The following SMG7 variants were observed in gnomAD, a reference collection of about 807,000 sequenced individuals.
SMG7 encodes nonsense-mediated mRNA decay factor SMG7.
In SMG7, 34 loss-of-function variants were observed where a neutral mutation model predicts 148.2. The observed-to-expected ratio is 0.23, with a 90% CI of 0.17 to 0.31. The LOEUF (loss-of-function observed/expected upper bound fraction) is 0.31, where lower values mean the gene tolerates loss of function less well. SMG7 is among the 10% of genes least tolerant of loss of function. The pLI, the probability that SMG7 is intolerant of heterozygous loss-of-function variation, is 1.00. For missense variants in SMG7, 1,114 were observed against 1,408.4 expected (o/e 0.79, Z 3.35); for synonymous variants, 492 against 515.1 (o/e 0.96, Z 0.61).
chr1:183,534,886 A>G (rs1356728936), intron 10 of SMG7, among the ~76,000 whole-genome samples: 1 of 151,974 alleles, frequency 6.6e-6, no homozygotes, highest in Non-Finnish European at 1.5e-5. Flanking sequence ...TGTCTGCTTC[A>G]TAATTGTCTT....
intron 6 of SMG7, 125 bp from the exon 7 acceptor site, chr1:183,528,767 C>A: frequency 1.3e-6 from 1 of 797,506 alleles, no homozygotes; most frequent in Non-Finnish European, 2.0e-6. Flanking sequence ...TGCAATGAGG[C>A]AGTCATATTT....
chr1:183,480,653 A>G (rs1293830988), intron 1 of SMG7, among the ~76,000 whole-genome samples: 2 of 152,198 alleles, frequency 1.3e-5, no homozygotes, highest in African/African-American at 2.4e-5. Context: ...TTCACTGGGC[A>G]TACAAGTAAG....
rs756442619 is a variant in SMG7, at chr1:183,546,164, T to C, written c.2569T>C (p.Tyr857His). The C allele has an allele frequency of 6.2e-7, 1 of 1,614,028 alleles. No individual in the cohort carries two copies. The highest frequency in any genetic ancestry group is 8.5e-7 in the Non-Finnish European group (1 of 1,179,972). Residue 857 changes from tyrosine to histidine, a missense_variant, in exon 17 of 23, where the codon TAT (tyrosine) becomes CAT (histidine). Physicochemically the swap from Tyr to His is moderately conservative, Grantham distance 83. Around this residue, in one of 4 missense-constraint regions of SMG7, gnomAD observed 788 missense variants for 894.5 expected, o/e 0.88. Transcript: ENST00000688051. ...AATGAAGCCTTTTCCCATGGAGCCA[T>C]ATAACCATAATCCCTCAGAAGTCAA... Reference protein sequence around the residue: ...KKMKPFPMEPYNHNPSEVKVP... With the variant: ...KKMKPFPMEPHNHNPSEVKVP...
At chr1:183,472,909 T>G in intron 1 of SMG7, 1 of 369,448 alleles carries the variant, frequency 2.7e-6, no homozygotes, top group Non-Finnish European at 4.8e-6. Flanking sequence ...CGTGAGAATG[T>G]GCGCGCGCGC....
intron 1 of SMG7, among the ~76,000 whole-genome samples, chr1:183,503,687 G>A (rs545340432): frequency 2.0e-5 from 3 of 152,258 alleles, no homozygotes; most frequent in African/African-American, 7.2e-5. Context: ...ATTAGCAAAA[G>A]TAATTTGATG....
intron 1 of SMG7, among the ~76,000 whole-genome samples, chr1:183,487,416 T>C (rs1251162675): frequency 6.6e-6 from 1 of 152,216 alleles, no homozygotes; most frequent in East Asian, 1.9e-4. Flanking sequence ...ACTCTCCCTT[T>C]CTCAAAATCC....
chr1:183,514,216 C>CA (rs36125833), intron 2 of SMG7, among the ~76,000 whole-genome samples: 10,092 of 99,040 alleles, frequency 0.1, 488 homozygotes, highest in East Asian at 0.3. Context: ...GTGAAATTCA[C>CA]AAAAAAAAAA....
intron 19 of SMG7, 66 bp downstream of exon 19, chr1:183,549,354 C>T (rs1670550390): frequency 8.8e-7 from 1 of 1,131,274 alleles, no homozygotes; most frequent in African/African-American, 1.5e-5. Flanking sequence ...CTTTCTCATA[C>T]TGTTTCAGTA....
chr1:183,526,591 T>C lies in SMG7; in HGVS notation c.313-5T>C, dbSNP rs1558024785. 6.3e-7 allele frequency: 1 copy of C among 1,590,326 alleles called. No individual in the cohort carries two copies. The stretch of plus-strand genomic sequence containing the variant: ...ACTACTAAATTTTGTTTGTTTTTCT[T>C]TTAGTTATTACAAGAACTGTGTACA... On this transcript the variant is annotated splice_polypyrimidine_tract_variant and splice_region_variant and intron_variant, in intron 4 of 22. Coordinates refer to ENST00000688051, the MANE Select transcript of SMG7 (RefSeq NM_001375584.1).
chr1:183,515,824 ACTG>A, intron 2 of SMG7, 47 bp from the exon 3 acceptor site: 1 of 1,196,724 alleles, frequency 8.4e-7, no homozygotes. Context: ...AATGGTTTTA[ACTG>A]CTGGGGTTTA....
rs562974406 is a variant in SMG7 at position 183,553,725 on chromosome 1, C to G, written c.*1794C>G. On this transcript the variant is annotated 3_prime_UTR_variant, in exon 23 of 23. Transcript: ENST00000688051. Reference sequence around the variant, plus strand: ...CCCCTACCCAATGGCAATATGAAACCTTTTGTGCTTCTCTTCAGCCCCTTC... The same window carrying G: ...CCCCTACCCAATGGCAATATGAAACGTTTTGTGCTTCTCTTCAGCCCCTTC... The G allele has an allele frequency of 6.5e-6, 1 of 153,748 alleles. No individual in the cohort carries two copies. The highest frequency in any genetic ancestry group is 1.4e-5 in the Non-Finnish European group (1 of 69,344). 9.5% of individuals were successfully genotyped at this position (153,748 alleles called of 1,614,324 possible).
At position 183,493,642 on chromosome 1, in the gene SMG7, C is replaced by T. The variant is rs147707632; in HGVS notation, c.30-19195C>T. Among the ~76,000 whole-genome samples, 424 of 152,164 alleles carry T rather than the reference C, an allele frequency of 2.8e-3. 1 individual carries two copies. The highest frequency in any genetic ancestry group is 9.3e-3 in the African/African-American group (386 of 41,508). Reference sequence around the variant, plus strand: ...TGTCACCCAGGCTGGAGTGCAGTGGCGCAATCTCGGCTGATTGCAACCTCT... The same window carrying T: ...TGTCACCCAGGCTGGAGTGCAGTGGTGCAATCTCGGCTGATTGCAACCTCT... On this transcript the variant is annotated intron_variant, in intron 1 of 22. Transcript: ENST00000688051.
At chr1:183,508,590 C>T (rs1055202244) in intron 1 of SMG7, among the ~76,000 whole-genome samples, 1 of 152,098 alleles carries the variant, frequency 6.6e-6, no homozygotes, top group African/African-American at 2.4e-5. Flanking sequence ...TTTGATTTCT[C>T]ATATATTGTA....
At chr1:183,545,411 T>A in intron 16 of SMG7, 99 bp downstream of exon 16, 1 of 1,358,468 alleles carries the variant, frequency 7.4e-7, no homozygotes, top group East Asian at 2.3e-5. Flanking sequence ...ACATACTTCT[T>A]GCTTAGATTT....
intron 13 of SMG7, 37 bp downstream of exon 13, chr1:183,541,140 A>G: frequency 6.2e-7 from 1 of 1,600,916 alleles, no homozygotes; most frequent in Non-Finnish European, 8.5e-7. Context: ...CTTTTTAACC[A>G]CCTTTTTAGA....
Position 183,472,612 on chromosome 1 carries a change from C to A in SMG7, c.-9C>A. 1 of 1,444,144 alleles carries A rather than the reference C, an allele frequency of 6.9e-7. No homozygotes were observed. Among genetic ancestry groups the A allele is most frequent in the Non-Finnish European group, 9.2e-7 (1 of 1,086,224 alleles). 89.5% of individuals were successfully genotyped at this position (1,444,144 alleles called of 1,614,324 possible). ...GCTTCGCGGGAAGACGCGGCGGCGG[C>A]GGCGGAGGATGAGCCTGCAGAGCGC... On this transcript the variant is annotated 5_prime_UTR_variant, in exon 1 of 23. Transcript: ENST00000688051.
At chr1:183,491,154 A>G (rs1018038989) in intron 1 of SMG7, among the ~76,000 whole-genome samples, 2 of 152,152 alleles carry the variant, frequency 1.3e-5, no homozygotes, top group African/African-American at 2.4e-5. Context: ...ATTTTTTTCA[A>G]TGTTAAGTTT....
At chr1:183,544,645 CTGTT>C (rs1390674207) in intron 15 of SMG7, 148 bp downstream of exon 15, 1 of 889,674 alleles carries the variant, frequency 1.1e-6, no homozygotes, top group East Asian at 2.6e-5. Flanking sequence ...TATTTTTGAA[CTGTT>C]TGTGTGTAGT....
intron 1 of SMG7, among the ~76,000 whole-genome samples, chr1:183,482,212 A>AT (rs968904002): frequency 6.1e-5 from 9 of 148,182 alleles, no homozygotes; most frequent in Middle Eastern, 3.4e-3. Flanking sequence ...CTCATTCTGC[A>AT]TTTTTTTGTG....
Sources: allele counts gnomAD v4.1 joint callset (sites outside exome capture counted in the v4.1 genomes callset), GRCh38; gene constraint gnomAD v4.1.1; regional missense constraint gnomAD v4.1.1; transcripts MANE v1.5; gene names NCBI Gene and HGNC (gene_info 2026-07-23, HGNC 2026-07-21).